Variants in DOCK3 observed in about 807,000 individuals in gnomAD.
DOCK3 encodes the protein dedicator of cytokinesis protein 3.
DOCK3 carries 60 observed loss-of-function variants against 265.6 expected under a neutral mutation model. That is an observed-to-expected ratio of 0.23 (90% confidence interval 0.18 to 0.28). The LOEUF is 0.28. Ranked by LOEUF, DOCK3 falls within the 10% of genes least tolerant of loss-of-function variation. The pLI is 1.00. For synonymous variants in DOCK3, 881 were observed against 938.0 expected (o/e 0.94, Z 1.11); for missense variants, 1,981 against 2,594.3 (o/e 0.76, Z 5.14).
Position 51,160,485 on chromosome 3 carries a change from T to C in DOCK3, c.890-70T>C, listed in dbSNP as rs139762177. On this transcript the variant is annotated intron_variant, in intron 11 of 52. Coordinates refer to ENST00000266037, the MANE Select transcript of DOCK3 (RefSeq NM_004947.5). ...TGCCTGTAGCTCAGGCATCCTTGGA[T>C]GACAATTAGGTGATACTGGAGAGGA... is the stretch of plus-strand genomic sequence containing the variant. 1,478 of 1,491,036 alleles carry C rather than the reference T, an allele frequency of 9.9e-4. 7 individuals are homozygous for C. The African/African-American group carries it at 0.019, about 19-fold the overall frequency. The allele number at this position is 1,491,036 out of a possible 1,614,324, so 92.4% of individuals were successfully genotyped here.
chr3:51,287,985 G>A (rs2081505626), intron 27 of DOCK3, among the ~76,000 whole-genome samples: 2 of 152,216 alleles, frequency 1.3e-5, no homozygotes, highest in South Asian at 4.1e-4. Context: ...GTCCTTTGCA[G>A]CAACATGGAT....
intron 9 of DOCK3, among the ~76,000 whole-genome samples, chr3:51,145,875 C>T (rs963654759): frequency 1.1e-4 from 16 of 152,290 alleles, no homozygotes; most frequent in African/African-American, 3.8e-4. Context: ...CTTAGATCAT[C>T]AGGCATTAGT....
At chr3:51,354,790 A>G (rs2086250929) in intron 40 of DOCK3, 92 bp from the exon 41 acceptor site, 1 of 1,529,412 alleles carries the variant, frequency 6.5e-7, no homozygotes, top group Non-Finnish European at 8.8e-7. Context: ...CTCCTAAGAT[A>G]TGTTTGTGCT....
At chr3:51,066,162 G>A (rs2081584455) in intron 6 of DOCK3, among the ~76,000 whole-genome samples, 1 of 151,980 alleles carries the variant, frequency 6.6e-6, no homozygotes, top group African/African-American at 2.4e-5. Flanking sequence ...TCAGTACAAA[G>A]GCTCTACCCA....
intron 5 of DOCK3, among the ~76,000 whole-genome samples, chr3:50,948,031 ATT>A (rs2076481022): frequency 1.5e-5 from 2 of 132,760 alleles, no homozygotes; most frequent in South Asian, 5.3e-4. Flanking sequence ...AATTATTATT[ATT>A]ATTATTATTA....
rs993251642 is a variant in DOCK3 at position 51,250,866 on chromosome 3, G to GT, written c.2184+4066dup. The stretch of plus-strand genomic sequence containing the variant: ...GGGTTTTGTTTTTGCTTTTGTTTTT[G>GT]TTTTTTTATTATTGTTATTATACTT... On this transcript the variant is annotated intron_variant, in intron 22 of 52. Transcript: ENST00000266037. Among the ~76,000 whole-genome samples, 8 of 152,124 alleles carry GT rather than the reference G, an allele frequency of 5.3e-5. No individual in the cohort carries two copies. In the East Asian group the frequency reaches 7.7e-4, roughly 15 times the overall value.
chr3:50,820,153 G>A (rs1211961851), intron 2 of DOCK3, among the ~76,000 whole-genome samples: 1 of 152,206 alleles, frequency 6.6e-6, no homozygotes. Context: ...CCATGCCGCT[G>A]CTCTGTCTGT....
chr3:50,820,158 G>C (rs73833888), intron 2 of DOCK3, among the ~76,000 whole-genome samples: 14,323 of 152,178 alleles, frequency 0.094, 818 homozygotes, highest in Non-Finnish European at 0.12. Flanking sequence ...CCGCTGCTCT[G>C]TCTGTAGAGT....
At chr3:51,324,912 TAACTC>T (rs1239605907) in intron 32 of DOCK3, among the ~76,000 whole-genome samples, 5 of 152,190 alleles carry the variant, frequency 3.3e-5, no homozygotes, top group African/African-American at 1.2e-4. Flanking sequence ...ATACAGATAT[TAACTC>T]AACGTGGATT....
chr3:50,943,611 A>G (rs2076353656), intron 5 of DOCK3, among the ~76,000 whole-genome samples: 1 of 152,134 alleles, frequency 6.6e-6, no homozygotes, highest in Admixed American at 6.5e-5. Context: ...GTGAATATAT[A>G]TTATTTTAAT....
intron 2 of DOCK3, among the ~76,000 whole-genome samples, chr3:50,790,957 GTT>G (rs34508635): frequency 6.6e-6 from 1 of 151,714 alleles, no homozygotes; most frequent in African/African-American, 2.4e-5. Context: ...ACTTTTTAAT[GTT>G]TTTTTTTGTT....
intron 49 of DOCK3, among the ~76,000 whole-genome samples, chr3:51,370,290 G>A (rs890123915): frequency 1.2e-4 from 19 of 152,036 alleles, no homozygotes; most frequent in South Asian, 4.1e-4. Flanking sequence ...AACCTAAAGC[G>A]TCTCTAAGAT....
intron 5 of DOCK3, among the ~76,000 whole-genome samples, chr3:50,943,525 A>G (rs933033144): frequency 1.3e-5 from 2 of 152,136 alleles, no homozygotes; most frequent in African/African-American, 4.8e-5. Context: ...ATGTACCAAA[A>G]TATTAATGGA....
intron 2 of DOCK3, chr3:50,787,748 T>C: frequency 8.4e-7 from 1 of 1,189,522 alleles, no homozygotes; most frequent in East Asian, 2.5e-5. Context: ...TTCTCTGTTA[T>C]CTTCTCCTTT....
intron 5 of DOCK3, among the ~76,000 whole-genome samples, chr3:50,983,764 G>T (rs2077789759): frequency 6.6e-6 from 1 of 152,180 alleles, no homozygotes; most frequent in Non-Finnish European, 1.5e-5. Context: ...AAACTGGTGA[G>T]GCTAAAAGAG....
At chr3:50,891,814 G>A (rs1333890962) in intron 4 of DOCK3, among the ~76,000 whole-genome samples, 2 of 152,050 alleles carry the variant, frequency 1.3e-5, no homozygotes, top group Non-Finnish European at 2.9e-5. Context: ...TACACTTTCT[G>A]ATGATGAGGA....
intron 5 of DOCK3, among the ~76,000 whole-genome samples, chr3:50,979,603 C>T (rs1035825253): frequency 4.6e-5 from 7 of 152,102 alleles, no homozygotes; most frequent in African/African-American, 9.7e-5. Context: ...ATCCCTCACC[C>T]GAAACAGATG....
At chr3:51,083,441 G>A (rs944977595) in intron 7 of DOCK3, among the ~76,000 whole-genome samples, 7 of 152,028 alleles carry the variant, frequency 4.6e-5, no homozygotes, top group Non-Finnish European at 8.8e-5. Context: ...TCTAGTAACA[G>A]ATCCCATAGA....
intron 1 of DOCK3, chr3:50,719,570 A>T: frequency 7.3e-7 from 1 of 1,372,948 alleles, no homozygotes; most frequent in African/African-American, 1.4e-5. Flanking sequence ...CATAATATTA[A>T]TGCTATTATT....
Sources: gnomAD v4.1 joint callset for allele counts (sites outside exome capture counted in the v4.1 genomes callset) on GRCh38, gnomAD v4.1.1 for gene constraint, MANE v1.5 for transcripts, NCBI Gene and HGNC (gene_info 2026-07-23, HGNC 2026-07-21) for gene names.